SLFN11: variants seen among roughly 807,000 people sequenced by gnomAD.
SLFN11 encodes schlafen family member 11.
A neutral mutation model predicts 53.4 loss-of-function variants in SLFN11; 43 were observed. The observed-to-expected ratio is 0.80, with a 90% confidence interval of 0.63 to 1.04. SLFN11 has a LOEUF of 1.04. SLFN11 is among the 50% of genes least tolerant of loss of function. The pLI is 0.00. For synonymous variants in SLFN11, 389 were observed against 394.7 expected (o/e 0.99, Z 0.17); for missense variants, 990 against 1,079.1 (o/e 0.92, Z 1.16).
chr17:35,362,913 T>C lies in SLFN11; in HGVS notation c.895A>G (p.Ile299Val), dbSNP rs2141965471. 6.2e-7 allele frequency: 1 copy of C among 1,613,850 alleles called. No individual in the cohort carries two copies. The highest frequency in any genetic ancestry group is 2.2e-5 in the East Asian group (1 of 44,884). Residue 299 changes from isoleucine (I) to valine (V), a missense_variant, in exon 4 of 7, where the codon ATT (isoleucine) becomes GTT (valine). Coordinates refer to ENST00000685675, the MANE Select transcript of SLFN11 (RefSeq NM_001376007.1). ...TCTCCCCTTTTTAACACATTCACAA[T>C]TTTGAGTGTGAAGGTTATCGGGCGT... ...PQRPITFTLKIVNVLKRGELY... is the reference protein window; with the variant it reads ...PQRPITFTLKVVNVLKRGELY...
chr17:35,360,509 C>A, intron 4 of SLFN11, 138 bp from the exon 5 acceptor site: 1 of 859,818 alleles, frequency 1.2e-6, no homozygotes, highest in Non-Finnish European at 1.7e-6. Context: ...CTCTCACTCA[C>A]TTACTCTAGA....
At chr17:35,364,023 A>G (rs996407873) in intron 3 of SLFN11, among the ~76,000 whole-genome samples, 197 bp from the exon 4 acceptor site, 8 of 152,148 alleles carry the variant, frequency 5.3e-5, no homozygotes, top group African/African-American at 1.9e-4. Context: ...GATATGGGCT[A>G]TGAGAGGAAA....
rs1906704243 is a variant in SLFN11 at position 35,351,740 on chromosome 17, G to A, written c.*616C>T. On this transcript the variant is annotated 3_prime_UTR_variant, in exon 7 of 7. Coordinates refer to ENST00000685675, the MANE Select transcript of SLFN11 (RefSeq NM_001376007.1). ...ATTAAGGCTTGGTCTGGGCCATTCT[G>A]AGAACAAGCTCTGGAGACCACAATT... The A allele has an allele frequency of 6.6e-6, 1 of 152,430 alleles. No individual in the cohort carries two copies. Among genetic ancestry groups the A allele is most frequent in the East Asian group, 1.9e-4 (1 of 5,202 alleles). 9.4% of individuals were successfully genotyped at this position (152,430 alleles called of 1,614,324 possible).
intron 5 of SLFN11, chr17:35,359,983 C>G: frequency 2.9e-6 from 1 of 344,314 alleles, no homozygotes; most frequent in South Asian, 3.7e-5. Flanking sequence ...GATGATCAGC[C>G]AGATTTGGGA....
chr17:35,352,190 G>A lies in SLFN11; in HGVS notation c.*166C>T. 1 of 823,682 alleles carries A rather than the reference G, an allele frequency of 1.2e-6. No homozygotes were observed. Among genetic ancestry groups the A allele is most frequent in the Non-Finnish European group, 1.9e-6 (1 of 533,564 alleles). 51.0% of individuals were successfully genotyped at this position (823,682 alleles called of 1,614,324 possible). A position where few individuals can be genotyped will look rare whatever the true frequency, so the allele number is the denominator to read the frequency against. On this transcript the variant is annotated 3_prime_UTR_variant, in exon 7 of 7. Coordinates refer to ENST00000685675, the MANE Select transcript of SLFN11 (RefSeq NM_001376007.1). The stretch of plus-strand genomic sequence containing the variant: ...GGGGGGCAGCCACCGCTGCTGAAAG[G>A]GTTGGGGAAGGAACCCCTGAAAGGA...
rs1907138707 is a variant in SLFN11 at position 35,354,000 on chromosome 17, G to A, written c.1258C>T (p.His420Tyr). The A allele has an allele frequency of 6.2e-7, 1 of 1,613,756 alleles. No homozygotes were observed. Among genetic ancestry groups the A allele is most frequent in the South Asian group, 1.1e-5 (1 of 91,086 alleles). The change falls in exon 6 of 7, where the codon CAC becomes TAC. Residue 420 changes from histidine to tyrosine, a missense_variant. His to Tyr is a moderately conservative substitution (Grantham distance 83). Around this residue, in one of 3 missense-constraint regions of SLFN11, gnomAD observed 521 missense variants for 516.2 expected, o/e 1.01. Coordinates refer to ENST00000685675, the MANE Select transcript of SLFN11 (RefSeq NM_001376007.1). ...ESLWRDLISE[H>Y]RGLEELINKQ... The stretch of plus-strand genomic sequence containing the variant: ...TTTATTAACTCCTCTAGTCCTCTGT[G>A]CTCTGAGATCAGGTCCCTCCAGAGT...
At chr17:35,365,463 T>A (rs200863201) in intron 3 of SLFN11, among the ~76,000 whole-genome samples, 77 of 62,340 alleles carry the variant, frequency 1.2e-3, no homozygotes, top group African/African-American at 3.6e-3. Flanking sequence ...TCTTTAAAAA[T>A]TTTTTTTTTT....
rs1906557429 is a variant in SLFN11 at position 35,350,580 on chromosome 17, T to C, written c.*1776A>G. 1 of 152,240 alleles carries C rather than the reference T, an allele frequency of 6.6e-6. No homozygotes were observed. Among genetic ancestry groups the C allele is most frequent in the Non-Finnish European group, 1.5e-5 (1 of 68,050 alleles). The allele number at this position is 152,240 out of a possible 1,614,324, so 9.4% of individuals were successfully genotyped here. On this transcript the variant is annotated 3_prime_UTR_variant, in exon 7 of 7. Coordinates refer to ENST00000685675, the MANE Select transcript of SLFN11 (RefSeq NM_001376007.1). ...GCAACAACTCCAAAGTCCAGGGATC[T>C]TATAAGACTAATTTATTAGTAACAA...
intron 4 of SLFN11, among the ~76,000 whole-genome samples, chr17:35,362,264 T>G (rs929483145): frequency 6.6e-6 from 1 of 152,118 alleles, no homozygotes; most frequent in African/African-American, 2.4e-5. Flanking sequence ...ATACAATAGA[T>G]GTAAATAATC....
intron 1 of SLFN11, among the ~76,000 whole-genome samples, chr17:35,368,032 A>G (rs1322723136): frequency 2.0e-5 from 3 of 152,110 alleles, no homozygotes; most frequent in Admixed American, 6.5e-5. Context: ...TAGTTTGCTC[A>G]GCAAACTCCC....
In SLFN11 at chr17:35,366,748, G is replaced by A. The variant is rs1440183010; in HGVS notation, c.-20+199C>T. Among the ~76,000 whole-genome samples, 7 of 152,070 alleles carry A rather than the reference G, an allele frequency of 4.6e-5. 1 individual carries two copies. On this transcript the variant is annotated intron_variant, in intron 3 of 6. Coordinates refer to ENST00000685675, the MANE Select transcript of SLFN11 (RefSeq NM_001376007.1). Reference sequence around the variant, plus strand: ...AGAAGGAATGAGATGACTGAGGTGTGAAGACATTTAGAAGAAATTTGTTAG... The same window carrying A: ...AGAAGGAATGAGATGACTGAGGTGTAAAGACATTTAGAAGAAATTTGTTAG...
rs138392474 is a variant in SLFN11 at position 35,353,799 on chromosome 17, A to T, written c.1459T>A (p.Cys487Ser). The change falls in exon 6 of 7, where the codon TGC (cysteine) becomes AGC (serine). Residue 487 changes from cysteine to serine, a missense_variant. This residue lies in a region of SLFN11 where 156 missense variants were observed against 241.9 expected (regional missense o/e 0.64). Coordinates refer to ENST00000685675, the MANE Select transcript of SLFN11 (RefSeq NM_001376007.1). Reference protein sequence around the residue: ...REQDAEGQDYCTRTAFTLKQK... With the variant: ...REQDAEGQDYSTRTAFTLKQK... ...TTCAAAGTAAAGGCGGTGCGAGTGC[A>T]GTAGTCCTGGCCCTCTGCATCTTGC... 6.0e-4 allele frequency: 944 copies of T among 1,581,528 alleles called. 4 individuals carry two copies. The African/African-American group carries it at 0.011, about 18-fold the overall frequency.
At position 35,364,314 on chromosome 17, in the gene SLFN11, A is replaced by G. The variant is rs543477874; in HGVS notation, c.-19-488T>C. Among the ~76,000 whole-genome samples, 17 of 152,216 alleles carry G rather than the reference A, an allele frequency of 1.1e-4. No homozygotes were observed. In the South Asian group the frequency reaches 3.1e-3, roughly 28 times the overall value. On this transcript the variant is annotated intron_variant, in intron 3 of 6. Coordinates refer to ENST00000685675, the MANE Select transcript of SLFN11 (RefSeq NM_001376007.1). Reference sequence around the variant, plus strand: ...ACTTCAGAAAGGACTGACTGTGAAAAACCAGAGGTAGGAGAAAAACCAAGG... The same window carrying G: ...ACTTCAGAAAGGACTGACTGTGAAAGACCAGAGGTAGGAGAAAAACCAAGG...
chr17:35,372,368 T>TAGAA lies in SLFN11; in HGVS notation c.-235+1102_-235+1105dup, dbSNP rs368275779. ...GGAGAGTTAATGGGTACAAAAAAAT[T>TAGAA]AGAATGAATAAGACCTACTATTTGA... is the stretch of plus-strand genomic sequence containing the variant. On this transcript the variant is annotated intron_variant, in intron 1 of 6. Transcript: ENST00000685675. 8.5e-3 allele frequency among the ~76,000 whole-genome samples: 1,299 copies of TAGAA among 152,090 alleles called. 20 individuals carry two copies. Among genetic ancestry groups the TAGAA allele is most frequent in the African/African-American group, 0.03 (1,253 of 41,484 alleles).
At chr17:35,359,820 T>G (rs1162020159) in intron 5 of SLFN11, among the ~76,000 whole-genome samples, 1 of 152,156 alleles carries the variant, frequency 6.6e-6, no homozygotes, top group African/African-American at 2.4e-5. Flanking sequence ...CTAGTTTGAC[T>G]AGATAAAAGG....
In SLFN11 at chr17:35,363,213, G is replaced by A. The variant is rs1306765986; in HGVS notation, c.595C>T (p.Leu199Phe). ...AAAGGCAGGATTTCACCATATTCAA[G>A]ATAGTCTTTTTGGAAAATTAGGTCA... is the stretch of plus-strand genomic sequence containing the variant. ...PADLIFQKDYLEYGEILPFPE... is the reference protein window; with the variant it reads ...PADLIFQKDYFEYGEILPFPE... The change falls in exon 4 of 7, where the codon CTT becomes TTT. Residue 199 changes from leucine (L) to phenylalanine (F), a missense_variant. Leu to Phe is a conservative substitution (Grantham distance 22). Coordinates refer to ENST00000685675, the MANE Select transcript of SLFN11 (RefSeq NM_001376007.1). 1 of 1,613,932 alleles carries A rather than the reference G, an allele frequency of 6.2e-7. No individual in the cohort carries two copies. Among genetic ancestry groups the A allele is most frequent in the Non-Finnish European group, 8.5e-7 (1 of 1,180,010 alleles).
chr17:35,352,472 T>C lies in SLFN11; in HGVS notation c.2590A>G (p.Ile864Val), dbSNP rs746343678. The change falls in exon 7 of 7, where the codon ATA becomes GTA. Residue 864 changes from isoleucine (I) to valine (V), a missense_variant. By Grantham distance (29) the Ile-to-Val change is conservative (BLOSUM62 3). Around this residue, in one of 3 missense-constraint regions of SLFN11, gnomAD observed 313 missense variants for 320.9 expected, o/e 0.98. Transcript: ENST00000685675. ...GTCCTTGGATGGATCCCAAACACTATGCTCCTTTCCAGGCCTGAGAATCGC... is the reference window on the plus strand; with the variant it reads ...GTCCTTGGATGGATCCCAAACACTACGCTCCTTTCCAGGCCTGAGAATCGC... ...VRRFSGLERS[I>V]VFGIHPRTAD... The C allele has an allele frequency of 5.0e-6, 8 of 1,614,098 alleles. No homozygotes were observed. Among genetic ancestry groups the C allele is most frequent in the Non-Finnish European group, 6.8e-6 (8 of 1,180,056 alleles).
chr17:35,352,916 G>A lies in SLFN11; in HGVS notation c.2146C>T (p.Pro716Ser). 1 of 1,614,174 alleles carries A rather than the reference G, an allele frequency of 6.2e-7. No individual in the cohort carries two copies. Reference sequence around the variant, plus strand: ...CTTGGATATTGGTCTGAGAGAGGAGGGAGGCCACTGCAATCCAAGTGGCTG... The same window carrying A: ...CTTGGATATTGGTCTGAGAGAGGAGAGAGGCCACTGCAATCCAAGTGGCTG... Reference protein sequence around the residue: ...QTSHLDCSGLPPLSDQYPREE... With the variant: ...QTSHLDCSGLSPLSDQYPREE... Residue 716 changes from proline to serine, a missense_variant, in exon 7 of 7, where the codon CCT becomes TCT. This residue lies in a region of SLFN11 where 313 missense variants were observed against 320.9 expected (regional missense o/e 0.98). Coordinates refer to ENST00000685675, the MANE Select transcript of SLFN11 (RefSeq NM_001376007.1).
chr17:35,357,139 C>CGTGTGTGTGT (rs35291259), intron 5 of SLFN11, among the ~76,000 whole-genome samples: 68 of 142,892 alleles, frequency 4.8e-4, no homozygotes, highest in South Asian at 1.6e-3. Context: ...TTTTTCTGTG[C>CGTGTGTGTGT]GTGTGTGTGT....
Sources: allele counts gnomAD v4.1 joint callset (sites outside exome capture counted in the v4.1 genomes callset), GRCh38; gene constraint gnomAD v4.1.1; regional missense constraint gnomAD v4.1.1; transcripts MANE v1.5; gene names NCBI Gene and HGNC (gene_info 2026-07-23, HGNC 2026-07-21).